The following NUP160 variants were observed in gnomAD, a reference collection of about 807,000 sequenced individuals.
The protein encoded by NUP160 is nucleoporin 160.
Under a neutral mutation model 196.9 loss-of-function variants are expected in NUP160, and 94 were observed. The ratio of observed to expected loss-of-function variants is 0.48; its 90% CI spans 0.40 to 0.57. NUP160 has a LOEUF of 0.57. NUP160 is among the 20% of genes least tolerant of loss of function. The pLI, the probability that NUP160 is intolerant of heterozygous loss-of-function variation, is 0.00. For missense variants in NUP160, 1,638 were observed against 1,748.3 expected (o/e 0.94, Z 1.13); for synonymous variants, 605 against 619.7 (o/e 0.98, Z 0.35).
rs1005651751 is a variant in NUP160 at position 47,834,071 on chromosome 11, C to A, written c.1101+1580G>T. Reference sequence around the variant, plus strand: ...GAGGTGAGGTGGTCTTGGGGATTACCCCCCAAAACAGTAATTTAGATACTG... The same window carrying A: ...GAGGTGAGGTGGTCTTGGGGATTACACCCCAAAACAGTAATTTAGATACTG... On this transcript the variant is annotated intron_variant, in intron 7 of 35. Coordinates refer to ENST00000378460, the Ensembl canonical transcript of NUP160. 3.7e-4 allele frequency among the ~76,000 whole-genome samples: 57 copies of A among 152,058 alleles called. 1 individual carries two copies. Among genetic ancestry groups the A allele is most frequent in the Non-Finnish European group, 2.9e-5 (2 of 68,014 alleles).
chr11:47,803,142 A>AAAT (rs55654627), intron 22 of NUP160, among the ~76,000 whole-genome samples: 48,617 of 138,794 alleles, frequency 0.35, 8,703 homozygotes, highest in Admixed American at 0.4. Flanking sequence ...TGATTTTACA[A>AAAT]AATAATAATA....
chr11:47,820,176 CTT>C (rs1851826176), intron 9 of NUP160: 1 of 152,124 alleles, frequency 6.6e-6, no homozygotes, highest in Non-Finnish European at 1.5e-5. Flanking sequence ...TTAGACAAGT[CTT>C]TGCTTCAAAA....
At chr11:47,783,262 A>G (rs1352378778) in intron 33 of NUP160, 64 bp from the exon 34 acceptor site, 12 of 1,547,118 alleles carry the variant, frequency 7.8e-6, no homozygotes, top group Non-Finnish European at 9.6e-6. Context: ...CTGACCAAAG[A>G]ATGTTGAGTG....
intron 27 of NUP160, among the ~76,000 whole-genome samples, chr11:47,794,517 C>T (rs759634479): frequency 6.6e-6 from 1 of 152,054 alleles, no homozygotes; most frequent in Non-Finnish European, 1.5e-5. Context: ...GCCTGTAATC[C>T]CAGCACTTTG....
chr11:47,845,234 G>C (rs1197086127), intron 2 of NUP160, among the ~76,000 whole-genome samples: 1 of 152,126 alleles, frequency 6.6e-6, no homozygotes, highest in Non-Finnish European at 1.5e-5. Flanking sequence ...TCCACCTCCT[G>C]GGTTCAAGCT....
At chr11:47,809,734 CAAAAAAAA>C (rs779243939) in intron 17 of NUP160, among the ~76,000 whole-genome samples, 3 of 47,900 alleles carry the variant, frequency 6.3e-5, no homozygotes, top group East Asian at 6.9e-4. Context: ...GCAAGACTCT[CAAAAAAAA>C]AAAAAAAAAA....
intron 35 of NUP160, chr11:47,779,603 A>C (rs752426047): frequency 5.8e-6 from 3 of 517,998 alleles, no homozygotes; most frequent in Non-Finnish European, 1.2e-5. Flanking sequence ...CATCACTATA[A>C]TGACTCAAGG....
intron 28 of NUP160, 100 bp downstream of exon 28, chr11:47,792,686 A>G (rs2097668535): frequency 2.6e-6 from 3 of 1,167,390 alleles, no homozygotes; most frequent in Non-Finnish European, 3.5e-6. Flanking sequence ...TTGTAAATCA[A>G]AAGAAGCAAA....
chr11:47,822,960 A>G (rs1309283469), intron 7 of NUP160, among the ~76,000 whole-genome samples: 1 of 152,162 alleles, frequency 6.6e-6, no homozygotes, highest in Non-Finnish European at 1.5e-5. Flanking sequence ...TTCTTAATCC[A>G]GTCTATCATT....
At chr11:47,813,539 GT>G (rs2097682351) in intron 13 of NUP160, 124 bp from the exon 14 acceptor site, 1 of 628,832 alleles carries the variant, frequency 1.6e-6, no homozygotes, top group African/African-American at 1.8e-5. Flanking sequence ...AATAATAGGT[GT>G]AAGTCTTGGC....
exon 4 of NUP160, chr11:47,839,907 C>G (rs1852260905): frequency 1.2e-6 from 2 of 1,614,004 alleles, no homozygotes; most frequent in South Asian, 1.1e-5. Flanking sequence ...GTAAGGCAAA[C>G]AGGGCCTCCC....
intron 6 of NUP160, 33 bp from the exon 7 acceptor site, chr11:47,835,842 A>T (rs1306672970): frequency 6.6e-7 from 1 of 1,509,222 alleles, no homozygotes; most frequent in African/African-American, 1.4e-5. Context: ...GGTGATATTC[A>T]AGGGATATTC....
At chr11:47,800,904 A>C (rs1318176198) in intron 23 of NUP160, among the ~76,000 whole-genome samples, 1 of 152,198 alleles carries the variant, frequency 6.6e-6, no homozygotes, top group Non-Finnish European at 1.5e-5. Context: ...TGCACAGGCC[A>C]GGCAGAGGGC....
intron 23 of NUP160, among the ~76,000 whole-genome samples, chr11:47,799,094 TC>T (rs985131777): frequency 2.0e-4 from 31 of 151,872 alleles, no homozygotes; most frequent in African/African-American, 6.5e-4. Context: ...ACTGACATAA[TC>T]CTTTTTTTTT....
At chr11:47,833,411 C>T (rs777554603) in intron 7 of NUP160, among the ~76,000 whole-genome samples, 1 of 150,998 alleles carries the variant, frequency 6.6e-6, no homozygotes, top group Non-Finnish European at 1.5e-5. Flanking sequence ...GTTGAGGTCA[C>T]GCTACTGCAC....
chr11:47,797,818 G>C, exon 27 of NUP160: 1 of 1,613,210 alleles, frequency 6.2e-7, no homozygotes, highest in Non-Finnish European at 8.5e-7. Flanking sequence ...AAGGCATACA[G>C]AAGTTCATAG....
chr11:47,848,420 T>G, exon 1 of NUP160: 1 of 1,559,656 alleles, frequency 6.4e-7, no homozygotes, highest in East Asian at 2.3e-5. Flanking sequence ...AGGTGAAGCA[T>G]TCCGGGAGCA....
chr11:47,796,878 A>G (rs2097671175), intron 27 of NUP160, among the ~76,000 whole-genome samples: 1 of 152,088 alleles, frequency 6.6e-6, no homozygotes, highest in Non-Finnish European at 1.5e-5. Context: ...TTTTCAGTAG[A>G]GAGGGGATTT....
chr11:47,788,620 C>A lies in NUP160; in HGVS notation c.3512-9G>T. On this transcript the variant is annotated splice_polypyrimidine_tract_variant and intron_variant, in intron 29 of 35. Transcript: ENST00000378460. ...TTCAATTTGTCGATTTGCTATACAT[C>A]AAAGAAAAATATTTTGAACTCCCAA... The A allele has an allele frequency of 6.3e-7, 1 of 1,583,940 alleles. No individual in the cohort carries two copies. Among genetic ancestry groups the A allele is most frequent in the South Asian group, 1.1e-5 (1 of 89,970 alleles).
Sources: allele counts gnomAD v4.1 joint callset (sites outside exome capture counted in the v4.1 genomes callset), GRCh38; gene constraint gnomAD v4.1.1; transcripts MANE v1.5; gene names NCBI Gene and HGNC (gene_info 2026-07-23, HGNC 2026-07-21).